Variants in PROM1 observed in about 807,000 individuals in gnomAD.
The protein encoded by PROM1 is prominin-1.
PROM1 carries 105 observed loss-of-function variants against 116.9 expected under a neutral mutation model. The ratio of observed to expected loss-of-function variants is 0.90; its 90% CI spans 0.77 to 1.06. The LOEUF (loss-of-function observed/expected upper bound fraction) is 1.06. Ranked by LOEUF, PROM1 falls within the 50% of genes least tolerant of loss-of-function variation. The probability of loss-of-function intolerance (pLI) is 0.00; values close to 1 mark genes in which losing one functional copy is unlikely to be tolerated. For synonymous variants in PROM1, 393 were observed against 387.0 expected, an observed-to-expected ratio of 1.02 and a Z score of -0.18; for missense variants, 1,122 against 1,045.2, an observed-to-expected ratio of 1.07 and a Z score of -1.01.
chr4:16,050,822 A>G (rs1457665772), intron 2 of PROM1, among the ~76,000 whole-genome samples: 1 of 152,232 alleles, frequency 6.6e-6, no homozygotes, highest in Non-Finnish European at 1.5e-5. Flanking sequence ...ACGTTTTGAA[A>G]TCCCTTCATA....
chr4:16,075,727 A>G lies in PROM1; in HGVS notation c.180T>C (p.His60=). The stretch of plus-strand genomic sequence containing the variant: ...GCGGCTGTACCACATAGAGAAAGAT[A>G]TGCACTAGTTCAAAGAGAATGCCAA... ...GPIGILFELV[H]IFLYVVQPRD... is the part of the protein sequence containing the mutation. The change falls in exon 2 of 28, where the codon CAT becomes CAC. Residue 60 remains histidine (H), a synonymous_variant. Transcript: ENST00000447510. The G allele has an allele frequency of 6.2e-7, 1 of 1,613,798 alleles. No homozygotes were observed. Among genetic ancestry groups the G allele is most frequent in the African/African-American group, 1.3e-5 (1 of 75,064 alleles).
intron 10 of PROM1, 135 bp downstream of exon 10, chr4:16,016,031 G>C: frequency 1.4e-6 from 1 of 733,970 alleles, no homozygotes; most frequent in Middle Eastern, 3.8e-4. Context: ...TGCCTGGAAG[G>C]TAATAGCTAT....
chr4:16,068,849 C>T (rs1742153590), intron 2 of PROM1, among the ~76,000 whole-genome samples: 1 of 152,164 alleles, frequency 6.6e-6, no homozygotes, highest in African/African-American at 2.4e-5. Flanking sequence ...ACTCACCCAA[C>T]TCCACTCCCA....
At chr4:15,984,117 C>A in intron 23 of PROM1, 146 bp downstream of exon 23, 2 of 597,558 alleles carry the variant, frequency 3.3e-6, no homozygotes, top group East Asian at 3.1e-5. Context: ...AGTCTATTAG[C>A]ATCTCAATAC....
At chr4:16,059,479 G>C (rs1051444789) in intron 2 of PROM1, among the ~76,000 whole-genome samples, 15 of 152,212 alleles carry the variant, frequency 9.9e-5, no homozygotes, top group African/African-American at 3.6e-4. Context: ...CAAGGCAGGA[G>C]GATGGCTTGA....
In PROM1 at chr4:16,041,747, C is replaced by CAAATAAATAAAT. The variant is rs777799271; in HGVS notation, c.221-2758_221-2747dup. ...CGGGTGACAGATCGAGACCCTGCCT[C>CAAATAAATAAAT]AAATAAATAAATAAATAAATAAATA... On this transcript the variant is annotated intron_variant, in intron 2 of 27. Coordinates refer to ENST00000447510, the MANE Select transcript of PROM1 (RefSeq NM_006017.3). Among the ~76,000 whole-genome samples the CAAATAAATAAAT allele has an allele frequency of 7.3e-5, 6 of 82,088 alleles. No homozygotes were observed. The South Asian group carries it at 2.0e-3, about 27-fold the overall frequency. The allele number at this position is 82,088 out of a possible 152,430, so 53.9% of individuals were successfully genotyped here.
chr4:16,003,567 C>CCT, intron 13 of PROM1, among the ~76,000 whole-genome samples: 1 of 152,262 alleles, frequency 6.6e-6, no homozygotes, highest in Non-Finnish European at 1.5e-5. Context: ...GATGCTTGTG[C>CCT]CTCTGTTAGA....
chr4:16,082,624 C>A (rs1745252672), intron 1 of PROM1: 1 of 152,336 alleles, frequency 6.6e-6, no homozygotes, highest in Non-Finnish European at 1.5e-5. Flanking sequence ...GCGGGGCGGG[C>A]GCGGGAAGCC....
intron 19 of PROM1, among the ~76,000 whole-genome samples, chr4:15,989,157 A>G (rs1720287198): frequency 6.6e-6 from 1 of 152,214 alleles, no homozygotes; most frequent in Non-Finnish European, 1.5e-5. Context: ...GAGAAGCTAC[A>G]ATAGTTTGGA....
chr4:16,029,725 A>G (rs955397212), intron 5 of PROM1, among the ~76,000 whole-genome samples: 12 of 152,230 alleles, frequency 7.9e-5, no homozygotes, highest in African/African-American at 2.4e-4. Flanking sequence ...TTGAAAACCA[A>G]CTGCATTTAA....
chr4:16,010,809 T>A (rs566916471), intron 11 of PROM1, among the ~76,000 whole-genome samples: 1 of 152,190 alleles, frequency 6.6e-6, no homozygotes, highest in South Asian at 2.1e-4. Flanking sequence ...CCCTGGAAAC[T>A]TTTTTAAAGT....
intron 4 of PROM1, among the ~76,000 whole-genome samples, chr4:16,034,500 C>T (rs1365615593): frequency 1.3e-5 from 2 of 152,144 alleles, no homozygotes; most frequent in Non-Finnish European, 1.5e-5. Context: ...GTGTCTCAGA[C>T]GGTTCCTGAG....
intron 1 of PROM1, among the ~76,000 whole-genome samples, chr4:16,081,911 GA>G (rs546813472): frequency 0.042 from 3,250 of 76,656 alleles, 121 homozygotes; most frequent in African/African-American, 0.1. Context: ...TGGAACACAT[GA>G]AAAAAAAAAC....
chr4:15,972,096 G>T (rs1387919804), intron 26 of PROM1, among the ~76,000 whole-genome samples: 8 of 152,062 alleles, frequency 5.3e-5, no homozygotes, highest in African/African-American at 1.9e-4. Context: ...TTGAGCAGAG[G>T]GATGCTGGGC....
intron 22 of PROM1, 97 bp downstream of exon 22, chr4:15,985,663 T>C: frequency 2.1e-6 from 2 of 949,028 alleles, no homozygotes; most frequent in Admixed American, 2.2e-5. Context: ...TACCAAATTA[T>C]GGGAAATTTA....
At chr4:15,981,992 T>C (rs573610647) in intron 23 of PROM1, among the ~76,000 whole-genome samples, 1 of 152,318 alleles carries the variant, frequency 6.6e-6, no homozygotes, top group Admixed American at 6.5e-5. Flanking sequence ...TCTACACCAC[T>C]CACATCTGCA....
intron 19 of PROM1, 36 bp downstream of exon 19, chr4:15,989,696 G>A: frequency 2.0e-6 from 3 of 1,512,398 alleles, no homozygotes; most frequent in Non-Finnish European, 2.7e-6. Context: ...ATTTTGCTCA[G>A]GTCACAGTGA....
rs1419226382 is a variant in PROM1, at chr4:16,006,476, T to C, written c.1454+62A>G. On this transcript the variant is annotated intron_variant, in intron 13 of 27. Coordinates refer to ENST00000447510, the MANE Select transcript of PROM1 (RefSeq NM_006017.3). Reference sequence around the variant, plus strand: ...GCGCCGGGTTCATGTAACACCAGAGTCAGCACCCAGTCTCTCTCCTGCATT... The same window carrying C: ...GCGCCGGGTTCATGTAACACCAGAGCCAGCACCCAGTCTCTCTCCTGCATT... 6.0e-6 allele frequency: 9 copies of C among 1,492,894 alleles called. No individual in the cohort carries two copies. The Admixed American group carries it at 1.9e-4, about 32-fold the overall frequency. 92.5% of individuals were successfully genotyped at this position (1,492,894 alleles called of 1,614,324 possible).
At chr4:15,994,139 G>C in intron 15 of PROM1, 68 bp from the exon 16 acceptor site, 1 of 1,603,256 alleles carries the variant, frequency 6.2e-7, no homozygotes, top group Non-Finnish European at 8.5e-7. Context: ...CACCACTGAA[G>C]ATGAGGAGAA....
Sources: allele counts gnomAD v4.1 joint callset (sites outside exome capture counted in the v4.1 genomes callset), GRCh38; gene constraint gnomAD v4.1.1; transcripts MANE v1.5; gene names NCBI Gene and HGNC (gene_info 2026-07-23, HGNC 2026-07-21).